ARHGAP28: variants seen among roughly 807,000 people sequenced by gnomAD.
ARHGAP28 encodes the protein rho GTPase-activating protein 28.
In ARHGAP28, 56 loss-of-function variants were observed where a neutral mutation model predicts 90.7. The ratio of observed to expected loss-of-function variants is 0.62; its 90% CI spans 0.50 to 0.77. The LOEUF is 0.77. Among genes scored for constraint, ARHGAP28 ranks in the 30% least tolerant of loss-of-function variants. ARHGAP28 has a pLI of 0.00. For missense variants in ARHGAP28, 869 were observed against 900.9 expected, an observed-to-expected ratio of 0.96 and a Z score of 0.45; for synonymous variants, 308 against 323.3, an observed-to-expected ratio of 0.95 and a Z score of 0.51.
chr18:6,805,840 A>G (rs1443989113), intron 1 of ARHGAP28, among the ~76,000 whole-genome samples: 1 of 151,130 alleles, frequency 6.6e-6, no homozygotes, highest in Non-Finnish European at 1.5e-5. Flanking sequence ...GTAATTATTG[A>G]TGTGGTTGCA....
At position 6,909,234 on chromosome 18, in the gene ARHGAP28, T is replaced by C. The variant is rs190855225; in HGVS notation, c.2095+210T>C. 9.3e-4 allele frequency among the ~76,000 whole-genome samples: 141 copies of C among 152,058 alleles called. No homozygotes were observed. The Middle Eastern group carries it at 0.01, about 11-fold the overall frequency. On this transcript the variant is annotated intron_variant, in intron 17 of 17. Coordinates refer to ENST00000383472, the MANE Select transcript of ARHGAP28 (RefSeq NM_001366230.1). ...AAATGAGAATATTTTAATGTTGATA[T>C]GGAGTAGGCTTGGGTCTTTTCTTTT... is the stretch of plus-strand genomic sequence containing the variant.
intron 1 of ARHGAP28, among the ~76,000 whole-genome samples, chr18:6,803,649 ACTT>A (rs1306229983): frequency 1.3e-5 from 2 of 152,088 alleles, no homozygotes; most frequent in Non-Finnish European, 2.9e-5. Context: ...TTTTTGGAGA[ACTT>A]CTTTTTAAGA....
At chr18:6,778,518 T>C (rs1163070402) in intron 1 of ARHGAP28, among the ~76,000 whole-genome samples, 2 of 152,228 alleles carry the variant, frequency 1.3e-5, no homozygotes, top group Non-Finnish European at 2.9e-5. Flanking sequence ...GTCCTGGCTC[T>C]GAGGTCTGAC....
intron 1 of ARHGAP28, among the ~76,000 whole-genome samples, chr18:6,742,770 G>A (rs1567932270): frequency 6.6e-6 from 1 of 152,188 alleles, no homozygotes. Flanking sequence ...TATAGAGACA[G>A]CAGTGGAACA....
intron 4 of ARHGAP28, among the ~76,000 whole-genome samples, chr18:6,853,488 TG>T (rs200290617): frequency 0.014 from 2,112 of 151,902 alleles, 49 homozygotes; most frequent in African/African-American, 0.049. Flanking sequence ...TTTTTTTTTT[TG>T]GAGACAGAGT....
chr18:6,836,543 T>G (rs73384513), intron 2 of ARHGAP28, among the ~76,000 whole-genome samples: 1 of 151,890 alleles, frequency 6.6e-6, no homozygotes, highest in East Asian at 1.9e-4. Context: ...AGCTGTCTCA[T>G]AGGAAGTCAC....
At position 6,894,887 on chromosome 18, in the gene ARHGAP28, G is replaced by C; in HGVS notation, c.1901G>C (p.Arg634Pro). The C allele has an allele frequency of 6.2e-7, 1 of 1,613,868 alleles. No homozygotes were observed. The highest frequency in any genetic ancestry group is 1.3e-5 in the African/African-American group (1 of 75,014). The change falls in exon 15 of 18, where the codon CGA becomes CCA. Residue 634 changes from arginine to proline, a missense_variant. Coordinates refer to ENST00000383472, the MANE Select transcript of ARHGAP28 (RefSeq NM_001366230.1). ...CTGCAAAAATCACCCTCGGCAAGAC[G>C]AATGGTAAGAAAAATAATTTCTTTT... Reference protein sequence around the residue: ...KVLQKSPSARRMSDVPEGVIR... With the variant: ...KVLQKSPSARPMSDVPEGVIR...
intron 2 of ARHGAP28, among the ~76,000 whole-genome samples, chr18:6,827,566 A>C: frequency 8.0e-6 from 1 of 124,974 alleles, no homozygotes. Flanking sequence ...TCCCTCCCGG[A>C]CGGGGCGACT....
rs1234400152 is a variant in ARHGAP28, at chr18:6,841,151, TC to T, written c.543+3739del. 8.9e-4 allele frequency among the ~76,000 whole-genome samples: 102 copies of T among 114,478 alleles called. 2 individuals carry two copies. The highest frequency in any genetic ancestry group is 3.0e-3 in the African/African-American group (92 of 31,104). The allele number at this position is 114,478 out of a possible 152,430, so 75.1% of individuals were successfully genotyped here. On this transcript the variant is annotated intron_variant, in intron 3 of 17. Coordinates refer to ENST00000383472, the MANE Select transcript of ARHGAP28 (RefSeq NM_001366230.1). ...TCTCTCTCCTCTCTCACTGTCTCTC[TC>T]CTCTTTCTCTCTCTCCTCTCTCTCT...
Position 6,859,848 on chromosome 18 carries a change from C to T in ARHGAP28, c.677C>T (p.Ala226Val), listed in dbSNP as rs766302110. 2 of 1,614,216 alleles carry T rather than the reference C, an allele frequency of 1.2e-6. No homozygotes were observed. The highest frequency in any genetic ancestry group is 1.7e-6 in the Non-Finnish European group (2 of 1,180,032). ...CTCAACAGTACTACCCTGTCTGACG[C>T]ATCCCAGGATAAAGAAGGGAGTTTT... ...ASLNSTTLSD[A>V]SQDKEGSFAV... Residue 226 changes from alanine to valine, a missense_variant, in exon 5 of 18, where the codon GCA becomes GTA. Physicochemically the swap from Ala to Val is moderately conservative, Grantham distance 64. Transcript: ENST00000383472.
intron 16 of ARHGAP28, among the ~76,000 whole-genome samples, chr18:6,903,115 G>T (rs1363567877): frequency 1.3e-5 from 2 of 152,162 alleles, no homozygotes; most frequent in East Asian, 3.9e-4. Flanking sequence ...CATAGAGACA[G>T]AATAGAATGG....
chr18:6,826,499 G>C (rs1034384525), intron 2 of ARHGAP28, among the ~76,000 whole-genome samples: 4 of 150,766 alleles, frequency 2.7e-5, no homozygotes, highest in African/African-American at 9.8e-5. Context: ...AATTAAAATA[G>C]AGTTTATATC....
chr18:6,817,951 T>G (rs1442471697), intron 1 of ARHGAP28, among the ~76,000 whole-genome samples: 1 of 152,202 alleles, frequency 6.6e-6, no homozygotes, highest in Non-Finnish European at 1.5e-5. Flanking sequence ...TCATGATATC[T>G]CTAGGGACAT....
At chr18:6,756,665 C>T (rs968122123) in intron 1 of ARHGAP28, among the ~76,000 whole-genome samples, 1 of 152,102 alleles carries the variant, frequency 6.6e-6, no homozygotes, top group Non-Finnish European at 1.5e-5. Context: ...AGGTGAAATA[C>T]CATGAGGAGC....
intron 5 of ARHGAP28, among the ~76,000 whole-genome samples, chr18:6,860,121 A>G (rs1239960350): frequency 6.6e-6 from 1 of 152,256 alleles, no homozygotes; most frequent in Admixed American, 6.5e-5. Flanking sequence ...CACTGCAGCC[A>G]GAAATCAAAG....
chr18:6,844,255 T>C (rs1423425843), intron 3 of ARHGAP28, among the ~76,000 whole-genome samples: 4 of 152,164 alleles, frequency 2.6e-5, no homozygotes, highest in Non-Finnish European at 5.9e-5. Context: ...TATACAAATA[T>C]GAGTTTGTTT....
chr18:6,858,300 T>C (rs2056970194), intron 4 of ARHGAP28, among the ~76,000 whole-genome samples: 1 of 152,124 alleles, frequency 6.6e-6, no homozygotes, highest in South Asian at 2.1e-4. Context: ...ACATTATTTG[T>C]TTTTCTCTTC....
intron 1 of ARHGAP28, among the ~76,000 whole-genome samples, chr18:6,752,804 C>T (rs572432131): frequency 6.6e-6 from 1 of 152,092 alleles, no homozygotes; most frequent in African/African-American, 2.4e-5. Flanking sequence ...CTCTGACCAC[C>T]CCTGGTCACA....
At chr18:6,886,523 G>A (rs1483210110) in intron 11 of ARHGAP28, among the ~76,000 whole-genome samples, 2 of 152,172 alleles carry the variant, frequency 1.3e-5, no homozygotes, top group Non-Finnish European at 2.9e-5. Flanking sequence ...GGAAGATCTA[G>A]AATAAGTGTC....
Sources: gnomAD v4.1 joint callset for allele counts (sites outside exome capture counted in the v4.1 genomes callset) on GRCh38, gnomAD v4.1.1 for gene constraint, MANE v1.5 for transcripts, NCBI Gene and HGNC (gene_info 2026-07-23, HGNC 2026-07-21) for gene names.